CEP131: variants seen among roughly 807,000 people sequenced by gnomAD.
CEP131 encodes the protein centrosomal protein of 131 kDa.
Under a neutral mutation model 136.8 loss-of-function variants are expected in CEP131, and 99 were observed. The observed-to-expected ratio is 0.72, with a 90% CI of 0.62 to 0.86. The LOEUF is 0.86. CEP131 is among the 40% of genes least tolerant of loss of function. CEP131 has a pLI of 0.00. For synonymous variants in CEP131, 646 were observed against 612.7 expected (o/e 1.05, Z -0.80); for missense variants, 1,459 against 1,463.0 (o/e 1.00, Z 0.04).
At position 81,199,247 on chromosome 17, in the gene CEP131, C is replaced by A; in HGVS notation, c.1192+134G>T. ...TCGTCAGGTCAGCTGGGGGCCAAGG[C>A]CCCTAACTCCGAGGACTGGGGCCGC... On this transcript the variant is annotated intron_variant, in intron 10 of 25. Coordinates refer to ENST00000450824, the MANE Select transcript of CEP131 (RefSeq NM_014984.4). The A allele has an allele frequency of 2.7e-6, 3 of 1,105,646 alleles. No individual in the cohort carries two copies. In the South Asian group the frequency reaches 4.9e-5, roughly 18 times the overall value. The allele number at this position is 1,105,646 out of a possible 1,614,324, so 68.5% of individuals were successfully genotyped here.
intron 2 of CEP131, among the ~76,000 whole-genome samples, chr17:81,214,572 AAAAAT>A (rs1161312364): frequency 2.6e-5 from 4 of 152,166 alleles, no homozygotes; most frequent in Non-Finnish European, 5.9e-5. Flanking sequence ...AGAAAAAGAA[AAAAAT>A]AAAATAAAAA....
At chr17:81,198,805 G>A in intron 11 of CEP131, 72 bp downstream of exon 11, 1 of 1,452,616 alleles carries the variant, frequency 6.9e-7, no homozygotes, top group East Asian at 2.5e-5. Flanking sequence ...GCTCAGCTCA[G>A]GACACCCCTG....
At chr17:81,205,943 C>T (rs1372271006) in intron 5 of CEP131, among the ~76,000 whole-genome samples, 13 of 152,106 alleles carry the variant, frequency 8.5e-5, no homozygotes, top group Non-Finnish European at 1.3e-4. Flanking sequence ...CAGTGGCTCA[C>T]GCCTATAATC....
Position 81,207,196 on chromosome 17 carries a change from G to T in CEP131, c.316C>A (p.Pro106Thr), listed in dbSNP as rs144830729. 9.9e-6 allele frequency: 16 copies of T among 1,613,232 alleles called. No homozygotes were observed. The highest frequency in any genetic ancestry group is 1.6e-4 in the Middle Eastern group (1 of 6,070). Residue 106 changes from proline (P) to threonine (T), a missense_variant, in exon 4 of 26, where the codon CCC becomes ACC. Pro to Thr is a conservative substitution (Grantham distance 38, BLOSUM62 -1). This residue lies in a region of CEP131 where 187 missense variants were observed against 179.9 expected (regional missense o/e 1.04). Transcript: ENST00000450824. ...CTGGCAGGCCTCTTTTTCCCACTGG[G>T]GCTGCCCTCGAAGAGCATCAGGAAG... is the stretch of plus-strand genomic sequence containing the variant. ...TDFLMLFEGS[P>T]SGKKRPASLS...
rs905617296 is a variant in CEP131 at position 81,192,479 on chromosome 17, G to C, written c.2544C>G (p.His848Gln). Reference protein sequence around the residue: ...EKGREEQERRHQMELNTLKQQ... With the variant: ...EKGREEQERRQQMELNTLKQQ... ...GCACAGCCCTCCGGTGGTAGACCTG[G>C]TGCCGGCGCTCCTGCTCCTCCCTGC... Residue 848 changes from histidine (H) to glutamine (Q), a missense_variant, in exon 20 of 26, where the codon CAC becomes CAG. Transcript: ENST00000450824. 6.2e-7 allele frequency: 1 copy of C among 1,611,746 alleles called. No homozygotes were observed. Among genetic ancestry groups the C allele is most frequent in the African/African-American group, 1.3e-5 (1 of 74,878 alleles).
chr17:81,189,952 T>G lies in CEP131; in HGVS notation c.3131A>C (p.Lys1044Thr), dbSNP rs768601249. ...HRRVKTALAR[K>T]EEAVSSLRTQ... ...CCGGAGGCTGCTCACGGCCTCCTCCTTCCTCGCGAGGGCTGTCTTCACCCT... is the reference window on the plus strand; with the variant it reads ...CCGGAGGCTGCTCACGGCCTCCTCCGTCCTCGCGAGGGCTGTCTTCACCCT... Residue 1044 changes from lysine (K) to threonine (T), a missense_variant, in exon 25 of 26, where the codon AAG becomes ACG. By Grantham distance (78) the Lys-to-Thr change is moderately conservative. This residue lies in a region of CEP131 where 1,026 missense variants were observed against 964.2 expected (regional missense o/e 1.06). Coordinates refer to ENST00000450824, the MANE Select transcript of CEP131 (RefSeq NM_014984.4). 1.3e-5 allele frequency: 21 copies of G among 1,610,992 alleles called. No homozygotes were observed. Among genetic ancestry groups the G allele is most frequent in the African/African-American group, 2.7e-5 (2 of 74,904 alleles).
At chr17:81,192,685 G>GGGGGGGGGGGGGGGGGCCC in intron 19 of CEP131, 51 bp downstream of exon 19, 3 of 478,412 alleles carry the variant, frequency 6.3e-6, no homozygotes, top group East Asian at 5.8e-5. Flanking sequence ...GGGGGGAGGG[G>GGGGGGGGGGGGGGGGGCCC]TCAGCCAGCG....
chr17:81,190,923 A>G lies in CEP131; in HGVS notation c.2927T>C (p.Leu976Pro), dbSNP rs1393955348. 2.5e-6 allele frequency: 4 copies of G among 1,604,334 alleles called. No individual in the cohort carries two copies. The East Asian group carries it at 8.9e-5, about 36-fold the overall frequency. Residue 976 changes from leucine (L) to proline (P), a missense_variant, in exon 23 of 26, where the codon CTG (leucine) becomes CCG (proline). Physicochemically the swap from Leu to Pro is moderately conservative, Grantham distance 98 (BLOSUM62 -3). Transcript: ENST00000450824. ...QGLVRQKERA[L>P]EDAQAVNEQL... ...CCCACTCACCGCCTGCGCATCCTCC[A>G]GCGCCCGCTCCTTCTGCCGCACAAG... is the stretch of plus-strand genomic sequence containing the variant.
intron 16 of CEP131, 55 bp from the exon 17 acceptor site, chr17:81,195,027 G>GCCA: frequency 7.1e-7 from 1 of 1,402,818 alleles, no homozygotes; most frequent in Non-Finnish European, 1.0e-6. Flanking sequence ...CCGTCCCTTT[G>GCCA]CCACCCTGTG....
At position 81,194,060 on chromosome 17, in the gene CEP131, CAGGCTCTTGAGCCTCCGCACTTCCTG is replaced by C. The variant is rs755765196; in HGVS notation, c.2161_2186del (p.Gln721AlafsTer10). On this transcript the variant is annotated frameshift_variant, in exon 18 of 26. Coordinates refer to ENST00000450824, the MANE Select transcript of CEP131 (RefSeq NM_014984.4). LOFTEE classifies it high-confidence loss of function. ...CCGACTGCAGCAGCTCCGCCTCGTG[CAGGCTCTTGAGCCTCCGCACTTCCTG>C]CTTGTGCCTTGCAATCAGCTTCTGG... 6.3e-7 allele frequency: 1 copy of C among 1,585,710 alleles called. No individual in the cohort carries two copies. The highest frequency in any genetic ancestry group is 1.8e-5 in the Admixed American group (1 of 56,612).
chr17:81,190,611 C>T, intron 24 of CEP131, 28 bp downstream of exon 24: 2 of 1,541,914 alleles, frequency 1.3e-6, no homozygotes, highest in Non-Finnish European at 1.7e-6. Context: ...CCGCCTCCGT[C>T]TCCAGCCCTG....
chr17:81,201,773 T>C (rs2061895354), intron 7 of CEP131, among the ~76,000 whole-genome samples: 1 of 152,218 alleles, frequency 6.6e-6, no homozygotes. Flanking sequence ...TTTATGTAAA[T>C]AGAACCACAC....
chr17:81,214,192 CA>C (rs1167603192), intron 2 of CEP131, among the ~76,000 whole-genome samples: 1 of 152,226 alleles, frequency 6.6e-6, no homozygotes, highest in Non-Finnish European at 1.5e-5. Flanking sequence ...GGGTGCGGTA[CA>C]GGGGAACACC....
intron 2 of CEP131, among the ~76,000 whole-genome samples, chr17:81,217,578 C>T (rs1156403025): frequency 6.6e-6 from 1 of 152,134 alleles, no homozygotes; most frequent in Non-Finnish European, 1.5e-5. Flanking sequence ...ACGTCACACA[C>T]TGGCGGGGGT....
rs1447059393 is a variant in CEP131 at position 81,222,895 on chromosome 17, C to G, written c.-144G>C. 1 of 152,312 alleles carries G rather than the reference C, an allele frequency of 6.6e-6. No homozygotes were observed. Among genetic ancestry groups the G allele is most frequent in the Non-Finnish European group, 1.5e-5 (1 of 68,096 alleles). The allele number at this position is 152,312 out of a possible 1,614,324, so 9.4% of individuals were successfully genotyped here. On this transcript the variant is annotated 5_prime_UTR_variant, in exon 1 of 26. Coordinates refer to ENST00000450824, the MANE Select transcript of CEP131 (RefSeq NM_014984.4). ...GGGTCGGCGACCTGGCGCCCCGCCA[C>G]CCCCAACACTGCCCCGAGGCCCGGT...
At chr17:81,202,544 G>A (rs546196523) in intron 6 of CEP131, 146 bp from the exon 7 acceptor site, 37 of 929,590 alleles carry the variant, frequency 4.0e-5, no homozygotes, top group South Asian at 3.3e-4. Context: ...GGGGGACAGC[G>A]GCAGGTGCGA....
intron 13 of CEP131, 82 bp downstream of exon 13, chr17:81,197,630 G>T: frequency 6.7e-7 from 1 of 1,494,944 alleles, no homozygotes; most frequent in Non-Finnish European, 8.9e-7. Flanking sequence ...CTGGTGAGGG[G>T]CCTCCTCCCC....
At chr17:81,216,057 C>A (rs2062239240) in intron 2 of CEP131, among the ~76,000 whole-genome samples, 2 of 151,916 alleles carry the variant, frequency 1.3e-5, no homozygotes, top group South Asian at 2.1e-4. Context: ...CCTGTCCCTA[C>A]AAAAAAATTA....
chr17:81,206,136 C>G (rs1173160232), intron 5 of CEP131, among the ~76,000 whole-genome samples: 3 of 152,052 alleles, frequency 2.0e-5, no homozygotes, highest in African/African-American at 7.2e-5. Context: ...ATCGCTTGAA[C>G]CAGGGAGTCA....
Sources: allele counts gnomAD v4.1 joint callset (sites outside exome capture counted in the v4.1 genomes callset), GRCh38; gene constraint gnomAD v4.1.1; regional missense constraint gnomAD v4.1.1; transcripts MANE v1.5; gene names NCBI Gene and HGNC (gene_info 2026-07-23, HGNC 2026-07-21).